Variants in CARMIL1 observed in about 807,000 individuals in gnomAD.
CARMIL1 encodes capping protein regulator and myosin 1 linker 1.
In CARMIL1, 90 loss-of-function variants were observed where a neutral mutation model predicts 177.1. That is an observed-to-expected ratio of 0.51 (90% CI 0.43 to 0.61). The LOEUF (loss-of-function observed/expected upper bound fraction) is 0.61. CARMIL1 is among the 20% of genes least tolerant of loss of function. The pLI, the probability that CARMIL1 is intolerant of heterozygous loss-of-function variation, is 0.00. For synonymous variants in CARMIL1, 577 were observed against 606.2 expected (o/e 0.95, Z 0.71); for missense variants, 1,380 against 1,667.0 (o/e 0.83, Z 3.00).
intron 23 of CARMIL1, among the ~76,000 whole-genome samples, chr6:25,525,171 T>C (rs1414832924): frequency 5.3e-5 from 8 of 152,080 alleles, no homozygotes; most frequent in African/African-American, 1.9e-4. Context: ...AAAGCACCCA[T>C]AGGCATAGCA....
chr6:25,618,313 G>A (rs1037041614), intron 36 of CARMIL1, among the ~76,000 whole-genome samples: 1 of 151,104 alleles, frequency 6.6e-6, no homozygotes, highest in African/African-American at 2.4e-5. Flanking sequence ...AGCATCAAAT[G>A]AATCCTATAG....
chr6:25,475,337 C>T (rs1801451627), intron 11 of CARMIL1, among the ~76,000 whole-genome samples: 2 of 151,150 alleles, frequency 1.3e-5, no homozygotes, highest in Admixed American at 1.3e-4. Context: ...GGAGGCAGAG[C>T]TTGCAGTGAG....
chr6:25,491,836 G>T (rs750300933), intron 14 of CARMIL1, 27 bp downstream of exon 14: 17 of 1,526,966 alleles, frequency 1.1e-5, no homozygotes, highest in Non-Finnish European at 1.4e-5. Flanking sequence ...TATATATCTT[G>T]CTCTGAGGGG....
chr6:25,530,047 A>G (rs1807589980), intron 24 of CARMIL1, among the ~76,000 whole-genome samples: 1 of 152,120 alleles, frequency 6.6e-6, no homozygotes, highest in African/African-American at 2.4e-5. Flanking sequence ...TAAAAATGAG[A>G]GATATTAGAG....
At chr6:25,294,268 A>C (rs1048925896) in intron 2 of CARMIL1, among the ~76,000 whole-genome samples, 3 of 152,172 alleles carry the variant, frequency 2.0e-5, no homozygotes, top group Admixed American at 2.0e-4. Context: ...CTGGAGTCTC[A>C]GGAGACATTT....
At chr6:25,395,917 C>T (rs777925263) in intron 2 of CARMIL1, among the ~76,000 whole-genome samples, 6 of 152,164 alleles carry the variant, frequency 3.9e-5, no homozygotes, top group African/African-American at 1.4e-4. Flanking sequence ...TAGGATCATG[C>T]GGGTCCTTGT....
At chr6:25,612,699 T>C (rs1816599474) in intron 36 of CARMIL1, 1 of 930,932 alleles carries the variant, frequency 1.1e-6, no homozygotes, top group Non-Finnish European at 1.3e-6. Context: ...ATGTATGTGC[T>C]AATAATATAA....
At chr6:25,285,511 T>A (rs1781455446) in intron 2 of CARMIL1, among the ~76,000 whole-genome samples, 1 of 152,168 alleles carries the variant, frequency 6.6e-6, no homozygotes, top group Non-Finnish European at 1.5e-5. Flanking sequence ...GCAGAAAACT[T>A]CTTAGAGAGG....
At chr6:25,435,720 TC>T in intron 5 of CARMIL1, 116 bp downstream of exon 5, 2 of 1,197,730 alleles carry the variant, frequency 1.7e-6, no homozygotes, top group Non-Finnish European at 2.2e-6. Flanking sequence ...GACTTCCTTC[TC>T]CTCTTAAATA....
At chr6:25,387,194 A>T (rs1001937202) in intron 2 of CARMIL1, among the ~76,000 whole-genome samples, 1 of 151,972 alleles carries the variant, frequency 6.6e-6, no homozygotes, top group African/African-American at 2.4e-5. Context: ...AACACATTTA[A>T]TGTACAGACT....
At chr6:25,291,246 A>G (rs1027723388) in intron 2 of CARMIL1, among the ~76,000 whole-genome samples, 1 of 152,222 alleles carries the variant, frequency 6.6e-6, no homozygotes, top group African/African-American at 2.4e-5. Flanking sequence ...TATTTTGGGT[A>G]ACGTATCCCT....
chr6:25,604,791 GATGGTGC>G lies in CARMIL1; in HGVS notation c.3553-20_3553-14del. The stretch of plus-strand genomic sequence containing the variant: ...TAAATAAATGTGCACTTTTTGGGGG[GATGGTGC>G]TTGAATTTTTTAGAAGCTTGGGAAT... On this transcript the variant is annotated splice_polypyrimidine_tract_variant and intron_variant, in intron 33 of 36. Coordinates refer to ENST00000329474, the MANE Select transcript of CARMIL1 (RefSeq NM_017640.6). 1 of 1,556,634 alleles carries G rather than the reference GATGGTGC, an allele frequency of 6.4e-7. No individual in the cohort carries two copies. The highest frequency in any genetic ancestry group is 8.7e-7 in the Non-Finnish European group (1 of 1,146,366).
chr6:25,298,014 A>C (rs1338374997), intron 2 of CARMIL1, among the ~76,000 whole-genome samples: 1 of 152,218 alleles, frequency 6.6e-6, no homozygotes, highest in Non-Finnish European at 1.5e-5. Context: ...CTAACATTTA[A>C]TCTTGGCCAA....
In CARMIL1 at chr6:25,367,285, C is replaced by A. The variant is rs543271549; in HGVS notation, c.139-52829C>A. ...TTAGTGCTAAGAATTCTGAGGGTAT[C>A]CCTATAGATGCTGGTTAAAAAACAA... On this transcript the variant is annotated intron_variant, in intron 2 of 36. Coordinates refer to ENST00000329474, the MANE Select transcript of CARMIL1 (RefSeq NM_017640.6). Among the ~76,000 whole-genome samples, 6 of 152,116 alleles carry A rather than the reference C, an allele frequency of 3.9e-5. No homozygotes were observed. In the South Asian group the frequency reaches 1.0e-3, roughly 26 times the overall value.
intron 17 of CARMIL1, among the ~76,000 whole-genome samples, chr6:25,502,598 G>GATC (rs1446313796): frequency 2.0e-5 from 3 of 150,778 alleles, no homozygotes; most frequent in Non-Finnish European, 4.4e-5. Flanking sequence ...TGCTCTATCA[G>GATC]ATCAAACTAC....
intron 29 of CARMIL1, among the ~76,000 whole-genome samples, chr6:25,568,986 T>G (rs1323861109): frequency 2.6e-5 from 4 of 152,218 alleles, no homozygotes; most frequent in Admixed American, 2.0e-4. Flanking sequence ...AGTCATATGT[T>G]TGATAGAAAA....
chr6:25,429,995 G>A (rs181100736), intron 4 of CARMIL1, among the ~76,000 whole-genome samples: 10 of 151,862 alleles, frequency 6.6e-5, no homozygotes, highest in Admixed American at 5.9e-4. Context: ...ACAAGCACGC[G>A]TCATGACATC....
chr6:25,447,577 C>T (rs374943575), intron 5 of CARMIL1, among the ~76,000 whole-genome samples: 3 of 152,134 alleles, frequency 2.0e-5, no homozygotes, highest in East Asian at 1.9e-4. Flanking sequence ...CACCCACGTC[C>T]TGTCATGGTA....
chr6:25,534,661 CAG>C (rs1317950043), intron 24 of CARMIL1, among the ~76,000 whole-genome samples: 7 of 151,972 alleles, frequency 4.6e-5, no homozygotes, highest in African/African-American at 1.5e-4. Flanking sequence ...TCGTAAGAAA[CAG>C]GGATTCAGCA....
Sources: gnomAD v4.1 joint callset for allele counts (sites outside exome capture counted in the v4.1 genomes callset) on GRCh38, gnomAD v4.1.1 for gene constraint, MANE v1.5 for transcripts, NCBI Gene and HGNC (gene_info 2026-07-23, HGNC 2026-07-21) for gene names.